The following MACROD2 variants were observed in gnomAD, a reference collection of about 807,000 sequenced individuals.
The protein encoded by MACROD2 is mono-ADP ribosylhydrolase 2.
A neutral mutation model predicts 70.4 loss-of-function variants in MACROD2; 36 were observed. The observed-to-expected ratio is 0.51, with a 90% CI of 0.39 to 0.68. The LOEUF is 0.68. Among genes scored for constraint, MACROD2 ranks in the 30% least tolerant of loss-of-function variants. The pLI is 0.00. For missense variants in MACROD2, 496 were observed against 538.4 expected, an observed-to-expected ratio of 0.92 and a Z score of 0.78; for synonymous variants, 172 against 178.8, an observed-to-expected ratio of 0.96 and a Z score of 0.30.
intron 12 of MACROD2, among the ~76,000 whole-genome samples, chr20:15,966,501 G>T (rs74484881): frequency 1.3e-5 from 2 of 152,108 alleles, no homozygotes; most frequent in Non-Finnish European, 2.9e-5. Flanking sequence ...CAGCACTTTG[G>T]GGGTATGAGG....
At chr20:16,025,108 C>T (rs977605135) in intron 15 of MACROD2, among the ~76,000 whole-genome samples, 4 of 152,186 alleles carry the variant, frequency 2.6e-5, no homozygotes, top group African/African-American at 7.2e-5. Flanking sequence ...ATTAAGGTGT[C>T]TTTGCCTGAA....
At chr20:14,973,064 A>G (rs1302385371) in intron 5 of MACROD2, among the ~76,000 whole-genome samples, 1 of 152,068 alleles carries the variant, frequency 6.6e-6, no homozygotes, top group African/African-American at 2.4e-5. Flanking sequence ...TTTCATCCTC[A>G]TTATACAGTT....
intron 7 of MACROD2, among the ~76,000 whole-genome samples, chr20:15,433,769 A>G (rs1456050709): frequency 6.7e-6 from 1 of 149,184 alleles, no homozygotes; most frequent in Non-Finnish European, 1.5e-5. Context: ...AAAAATCTGG[A>G]GGCATGACAT....
chr20:15,003,823 A>T (rs1206753447), intron 5 of MACROD2, among the ~76,000 whole-genome samples: 2 of 152,208 alleles, frequency 1.3e-5, no homozygotes, highest in Non-Finnish European at 2.9e-5. Context: ...GTTATAAAAC[A>T]TGCAACTTCC....
chr20:14,327,459 C>T, intron 3 of MACROD2: 2 of 1,613,380 alleles, frequency 1.2e-6, no homozygotes, highest in Non-Finnish European at 1.7e-6. Flanking sequence ...GAAGGAACAG[C>T]CCAATTTTAG....
At chr20:15,639,361 G>T (rs2049418990) in intron 8 of MACROD2, among the ~76,000 whole-genome samples, 1 of 152,148 alleles carries the variant, frequency 6.6e-6, no homozygotes, top group South Asian at 2.1e-4. Context: ...CAATTTTGAG[G>T]CTCCATGAGA....
intron 8 of MACROD2, among the ~76,000 whole-genome samples, chr20:15,681,524 T>A (rs2050160024): frequency 6.6e-6 from 1 of 152,216 alleles, no homozygotes; most frequent in Admixed American, 6.5e-5. Flanking sequence ...TATTTTCAAT[T>A]CATTTTAGAT....
chr20:15,563,252 T>C (rs2048268632), intron 8 of MACROD2, among the ~76,000 whole-genome samples: 2 of 152,142 alleles, frequency 1.3e-5, no homozygotes, highest in Admixed American at 1.3e-4. Flanking sequence ...GAGATACTAG[T>C]CTAGCTTGCT....
intron 12 of MACROD2, among the ~76,000 whole-genome samples, chr20:15,957,052 G>T (rs2065987146): frequency 6.6e-6 from 1 of 152,148 alleles, no homozygotes; most frequent in African/African-American, 2.4e-5. Context: ...GACAGGTTAT[G>T]TGTCATTCAA....
intron 6 of MACROD2, among the ~76,000 whole-genome samples, chr20:15,397,514 G>A (rs2146302592): frequency 6.6e-6 from 1 of 152,178 alleles, no homozygotes; most frequent in Middle Eastern, 3.4e-3. Context: ...TGCTCAGGCT[G>A]GTCTTGATCT....
chr20:14,221,831 A>G (rs1382576275), intron 3 of MACROD2, among the ~76,000 whole-genome samples: 1 of 152,206 alleles, frequency 6.6e-6, no homozygotes, highest in Non-Finnish European at 1.5e-5. Flanking sequence ...ATGAATAGAC[A>G]TTTTTCAAAA....
chr20:14,480,931 A>G (rs182823235), intron 3 of MACROD2, among the ~76,000 whole-genome samples: 1 of 152,282 alleles, frequency 6.6e-6, no homozygotes, highest in East Asian at 1.9e-4. Flanking sequence ...ATATATTAAT[A>G]GAAGCCAACT....
chr20:14,339,372 A>G (rs938069241), intron 3 of MACROD2, among the ~76,000 whole-genome samples: 1 of 152,190 alleles, frequency 6.6e-6, no homozygotes, highest in African/African-American at 2.4e-5. Context: ...TTGGGAGGAA[A>G]GGGAGGTGGA....
chr20:15,623,874 G>A (rs185357340), intron 8 of MACROD2, among the ~76,000 whole-genome samples: 2 of 152,166 alleles, frequency 1.3e-5, no homozygotes, highest in Non-Finnish European at 2.9e-5. Context: ...TATGTTAAAG[G>A]AGATGTATTA....
At chr20:15,495,250 T>C (rs1392392543) in intron 7 of MACROD2, among the ~76,000 whole-genome samples, 3 of 152,232 alleles carry the variant, frequency 2.0e-5, no homozygotes. Flanking sequence ...GTCTTATTTA[T>C]AACCCCGGAG....
At chr20:14,641,114 TC>T (rs1985068466) in intron 4 of MACROD2, among the ~76,000 whole-genome samples, 1 of 152,226 alleles carries the variant, frequency 6.6e-6, no homozygotes, top group South Asian at 2.1e-4. Context: ...ATATTCTAAA[TC>T]CTTTTTTGTC....
At chr20:14,253,948 C>T (rs2082032142) in intron 3 of MACROD2, among the ~76,000 whole-genome samples, 1 of 151,878 alleles carries the variant, frequency 6.6e-6, no homozygotes, top group Non-Finnish European at 1.5e-5. Flanking sequence ...AGTAAAACAT[C>T]ATTTAGAAAA....
At chr20:14,825,714 C>A (rs889415781) in intron 5 of MACROD2, among the ~76,000 whole-genome samples, 4 of 152,102 alleles carry the variant, frequency 2.6e-5, no homozygotes, top group Non-Finnish European at 5.9e-5. Context: ...TCTTTTAAAT[C>A]TCTTAATATG....
intron 4 of MACROD2, among the ~76,000 whole-genome samples, chr20:14,657,570 G>C (rs988381546): frequency 1.3e-5 from 2 of 152,218 alleles, no homozygotes; most frequent in Non-Finnish European, 2.9e-5. Context: ...TGCCACCTGC[G>C]TGGTTGGGCA....
Sources: gnomAD v4.1 joint callset for allele counts (sites outside exome capture counted in the v4.1 genomes callset) on GRCh38, gnomAD v4.1.1 for gene constraint, MANE v1.5 for transcripts, NCBI Gene and HGNC (gene_info 2026-07-23, HGNC 2026-07-21) for gene names.